The following C11orf65 variants were observed in gnomAD, a reference collection of about 807,000 sequenced individuals.
C11orf65 encodes chromosome 11 open reading frame 65, also known as protein MFI.
C11orf65 carries 38 observed loss-of-function variants against 35.3 expected under a neutral mutation model. That is an observed-to-expected ratio of 1.08 (90% CI 0.83 to 1.41). The LOEUF (loss-of-function observed/expected upper bound fraction) is 1.41. Among genes scored for constraint, C11orf65 ranks in the 40% most tolerant of loss-of-function variants. The probability of loss-of-function intolerance (pLI) is 0.00; values close to 1 mark genes in which losing one functional copy is unlikely to be tolerated. For synonymous variants in C11orf65, 105 were observed against 114.4 expected (o/e 0.92, Z 0.53); for missense variants, 370 against 367.1 (o/e 1.01, Z -0.06).
At chr11:108,327,538 C>T, downstream of C11orf65, 1 of 871,674 alleles carries the variant, frequency 1.1e-6, no homozygotes, top group East Asian at 2.7e-5. Flanking sequence ...TTTTCCCACC[C>T]ACCAAGGAAA....
At chr11:108,420,110 A>G (rs2092794104) in intron 3 of C11orf65, among the ~76,000 whole-genome samples, 1 of 92,642 alleles carries the variant, frequency 1.1e-5, no homozygotes, top group African/African-American at 4.3e-5. Flanking sequence ...TAGCATCAAA[A>G]ATAAGAAAAT....
chr11:108,332,966 T>TTA (rs2086443886), intron 3 of C11orf65: 1 of 1,545,524 alleles, frequency 6.5e-7, no homozygotes, highest in Admixed American at 1.7e-5. Context: ...GATATATTAG[T>TTA]TATAGAGCCT....
chr11:108,333,364 T>TA (rs1198364519), intron 3 of C11orf65, among the ~76,000 whole-genome samples: 1 of 152,234 alleles, frequency 6.6e-6, no homozygotes, highest in Admixed American at 6.5e-5. Flanking sequence ...TACAAGCTGC[T>TA]ATATAATCTT....
rs140166389 is a variant in C11orf65 at position 108,321,600 on chromosome 11, T to C, written c.641-12529A>G. Among the ~76,000 whole-genome samples the C allele has an allele frequency of 6.0e-3, 918 of 152,230 alleles. 6 individuals are homozygous for C. Among genetic ancestry groups the C allele is most frequent in the East Asian group, 0.011 (55 of 5,180 alleles). ...GAGTTCAAGACCAGCCTGGCCAACA[T>C]GGTGAAACCCTATCTCTACTAAAAA... is the stretch of plus-strand genomic sequence containing the variant. On this transcript the variant is annotated intron_variant, in intron 6 of 6. Transcript: ENST00000525729.
chr11:108,357,925 A>G (rs1237594247), intron 2 of C11orf65, among the ~76,000 whole-genome samples: 1 of 150,824 alleles, frequency 6.6e-6, no homozygotes, highest in African/African-American at 2.4e-5. Context: ...CTCACCAGCA[A>G]CGGAACAAAG....
chr11:108,327,428 T>C, downstream of C11orf65: 1 of 501,142 alleles, frequency 2.0e-6, no homozygotes, highest in Non-Finnish European at 3.6e-6. Flanking sequence ...TGTGACTTGC[T>C]CCAATAATGG....
chr11:108,323,616 T>C (rs552847410), intron 6 of C11orf65, among the ~76,000 whole-genome samples: 1 of 152,300 alleles, frequency 6.6e-6, no homozygotes, highest in African/African-American at 2.4e-5. Context: ...TACCCAAATT[T>C]GATCATTACA....
chr11:108,346,592 G>A (rs1253483082), intron 2 of C11orf65: 1 of 152,090 alleles, frequency 6.6e-6, no homozygotes, highest in Non-Finnish European at 1.5e-5. Context: ...AGAGTTCCCA[G>A]GTAATTGTGA....
intron 2 of C11orf65, chr11:108,367,144 C>G (rs746849580): frequency 5.6e-6 from 1 of 178,608 alleles, no homozygotes; most frequent in Non-Finnish European, 1.2e-5. Flanking sequence ...TGTGCCAACA[C>G]GCCCGGCTAA....
intron 2 of C11orf65, among the ~76,000 whole-genome samples, chr11:108,340,937 G>A (rs1297980185): frequency 6.6e-6 from 1 of 152,076 alleles, no homozygotes; most frequent in African/African-American, 2.4e-5. Context: ...TTTTTATTGA[G>A]GTTTTTTTGG....
intron 6 of C11orf65, chr11:108,321,153 C>G: frequency 9.6e-7 from 1 of 1,046,702 alleles, no homozygotes. Flanking sequence ...TTTGTTTCCA[C>G]TGCTATTTTG....
At chr11:108,423,770 G>T (rs2092856564) in intron 3 of C11orf65, among the ~76,000 whole-genome samples, 1 of 152,142 alleles carries the variant, frequency 6.6e-6, no homozygotes, top group Admixed American at 6.5e-5. Context: ...AGGCAAATAG[G>T]GTCTGGAGTG....
chr11:108,445,904 T>C (rs911972773), intron 2 of C11orf65, among the ~76,000 whole-genome samples: 2 of 151,970 alleles, frequency 1.3e-5, no homozygotes, highest in Non-Finnish European at 2.9e-5. Flanking sequence ...ATAACTAGAA[T>C]AATCAATGCA....
chr11:108,402,296 G>A (rs2092453112), intron 6 of C11orf65, among the ~76,000 whole-genome samples: 1 of 152,180 alleles, frequency 6.6e-6, no homozygotes, highest in African/African-American at 2.4e-5. Context: ...AGGCACTTTG[G>A]AAGTTCAAGA....
chr11:108,384,610 C>T (rs1407001433), intron 8 of C11orf65, among the ~76,000 whole-genome samples: 1 of 151,612 alleles, frequency 6.6e-6, no homozygotes, highest in Admixed American at 6.6e-5. Context: ...CCCATCTTGA[C>T]AAAAATACAA....
At position 108,321,337 on chromosome 11, in the gene C11orf65, T is replaced by C. The variant is rs2136239559; in HGVS notation, c.641-12266A>G. The C allele has an allele frequency of 6.2e-7, 1 of 1,614,166 alleles. No individual in the cohort carries two copies. The highest frequency in any genetic ancestry group is 8.5e-7 in the Non-Finnish European group (1 of 1,180,016). The stretch of plus-strand genomic sequence containing the variant: ...TGGAAGAGATGTGTAAGCGCAGCCT[T>C]GAGTCTGTGTATTCGCTCTATCCCA... On this transcript the variant is annotated intron_variant, in intron 6 of 6. Coordinates refer to the C11orf65 transcript ENST00000525729.
At position 108,350,409 on chromosome 11, in the gene C11orf65, A is replaced by G. The variant is rs144962480; in HGVS notation, c.227-15117T>C. On this transcript the variant is annotated intron_variant, in intron 2 of 3. Coordinates refer to the C11orf65 transcript ENST00000524755. ...AGACTGTTTAGTAAGAATAAGGGGT[A>G]GAAGGAGAAGAGGTTTTGATTAGAA... is the stretch of plus-strand genomic sequence containing the variant. Among the ~76,000 whole-genome samples the G allele has an allele frequency of 1.1e-4, 16 of 152,362 alleles. No homozygotes were observed. In the East Asian group the frequency reaches 2.9e-3, roughly 28 times the overall value.
At chr11:108,347,483 T>C (rs1442467211) in intron 2 of C11orf65, 1 of 849,286 alleles carries the variant, frequency 1.2e-6, no homozygotes, top group Non-Finnish European at 1.9e-6. Flanking sequence ...GCAGTAAATA[T>C]TGGGTTTTTT....
At chr11:108,395,465 C>G (rs529199156) in intron 6 of C11orf65, among the ~76,000 whole-genome samples, 5 of 151,794 alleles carry the variant, frequency 3.3e-5, no homozygotes, top group African/African-American at 1.2e-4. Context: ...GCTGGGACTA[C>G]AGCCCACCAC....
Sources: allele counts gnomAD v4.1 joint callset (sites outside exome capture counted in the v4.1 genomes callset), GRCh38; gene constraint gnomAD v4.1.1; transcripts MANE v1.5; gene names NCBI Gene and HGNC (gene_info 2026-07-23, HGNC 2026-07-21).